The following EYS variants were observed in gnomAD, a reference collection of about 807,000 sequenced individuals.
EYS encodes protein eyes shut homolog.
Under a neutral mutation model 282.1 loss-of-function variants are expected in EYS, and 250 were observed. The observed-to-expected ratio is 0.89, with a 90% CI of 0.80 to 0.98. The LOEUF (loss-of-function observed/expected upper bound fraction) is 0.98, where lower values mean the gene tolerates loss of function less well. EYS is among the 50% of genes least tolerant of loss of function. The probability of loss-of-function intolerance (pLI) is 0.00; values close to 1 mark genes in which losing one functional copy is unlikely to be tolerated. For synonymous variants in EYS, 1,355 were observed against 1,282.9 expected (o/e 1.06, Z -1.20); for missense variants, 4,016 against 3,709.0 (o/e 1.08, Z -2.15).
intron 2 of EYS, among the ~76,000 whole-genome samples, chr6:65,618,794 A>C (rs1272878413): frequency 6.6e-6 from 1 of 152,144 alleles, no homozygotes; most frequent in Non-Finnish European, 1.5e-5. Flanking sequence ...TCCCAGCACC[A>C]TTTATTAAAT....
chr6:65,560,078 T>A (rs987575572), intron 2 of EYS, among the ~76,000 whole-genome samples: 2 of 149,790 alleles, frequency 1.3e-5, no homozygotes, highest in Non-Finnish European at 3.0e-5. Context: ...CTATATTATA[T>A]CTATTACTCA....
At chr6:65,044,562 C>T (rs1203541215) in intron 13 of EYS, among the ~76,000 whole-genome samples, 2 of 151,752 alleles carry the variant, frequency 1.3e-5, no homozygotes, top group Non-Finnish European at 2.9e-5. Flanking sequence ...TTCTTGACAT[C>T]GTGCTGATAT....
chr6:64,996,038 A>G (rs1771250911), intron 14 of EYS, among the ~76,000 whole-genome samples: 1 of 152,074 alleles, frequency 6.6e-6, no homozygotes, highest in Admixed American at 6.6e-5. Flanking sequence ...CAAAATCACA[A>G]CCTAAAATAA....
At chr6:64,318,032 G>A (rs899877977) in intron 29 of EYS, among the ~76,000 whole-genome samples, 4 of 152,056 alleles carry the variant, frequency 2.6e-5, no homozygotes, top group African/African-American at 9.7e-5. Context: ...TTGTCAGGGG[G>A]TGGGGGCCTC....
rs981863652 is a variant in EYS, at chr6:64,170,452, C to A, written c.6424+60140G>T. Among the ~76,000 whole-genome samples the A allele has an allele frequency of 3.3e-5, 5 of 152,090 alleles. No homozygotes were observed. The East Asian group carries it at 9.7e-4, about 29-fold the overall frequency. Reference sequence around the variant, plus strand: ...ATCAAGGCATCAGCAAGGCCATACCCCTTCTGAAGGCTCTAGGGAAGAATT... The same window carrying A: ...ATCAAGGCATCAGCAAGGCCATACCACTTCTGAAGGCTCTAGGGAAGAATT... On this transcript the variant is annotated intron_variant, in intron 31 of 42. Coordinates refer to ENST00000503581, the MANE Select transcript of EYS (RefSeq NM_001142800.2).
chr6:65,617,481 A>G (rs1354453881), intron 2 of EYS, among the ~76,000 whole-genome samples: 1 of 152,110 alleles, frequency 6.6e-6, no homozygotes, highest in Non-Finnish European at 1.5e-5. Context: ...TAAATGTTTA[A>G]TGAGACCTGA....
intron 26 of EYS, among the ~76,000 whole-genome samples, chr6:64,533,237 A>G (rs1317074167): frequency 3.3e-5 from 5 of 152,184 alleles, no homozygotes; most frequent in Non-Finnish European, 5.9e-5. Context: ...AGCTTCTCAC[A>G]CATAATTAGA....
At position 64,263,734 on chromosome 6, in the gene EYS, T is replaced by C. The variant is rs189847041; in HGVS notation, c.6192-32910A>G. Reference sequence around the variant, plus strand: ...ATTGGCTGAAACCCATATGGATGTATAGGTTTGTAAAACAGACCCTTATTA... The same window carrying C: ...ATTGGCTGAAACCCATATGGATGTACAGGTTTGTAAAACAGACCCTTATTA... On this transcript the variant is annotated intron_variant, in intron 30 of 42. Coordinates refer to ENST00000503581, the MANE Select transcript of EYS (RefSeq NM_001142800.2). 9.2e-4 allele frequency among the ~76,000 whole-genome samples: 140 copies of C among 152,216 alleles called. 1 individual carries two copies. The highest frequency in any genetic ancestry group is 3.2e-3 in the African/African-American group (134 of 41,570).
chr6:65,512,222 G>T (rs531925733), intron 2 of EYS, among the ~76,000 whole-genome samples: 1 of 152,144 alleles, frequency 6.6e-6, no homozygotes, highest in South Asian at 2.1e-4. Flanking sequence ...GCCGGGCACG[G>T]TGGCTCATGC....
rs552891992 is a variant in EYS, at chr6:65,350,491, A to G, written c.1459+2967T>C. 1.7e-3 allele frequency among the ~76,000 whole-genome samples: 264 copies of G among 151,802 alleles called. 1 individual carries two copies. Among genetic ancestry groups the G allele is most frequent in the Non-Finnish European group, 3.1e-3 (211 of 67,684 alleles). On this transcript the variant is annotated intron_variant, in intron 9 of 42. Transcript: ENST00000503581. ...TATTTATTTAAAAAAAAAGTTCACT[A>G]GTACATGTTAAGTGTTTTAACTCTA...
chr6:64,339,934 A>G (rs1236807909), intron 29 of EYS, among the ~76,000 whole-genome samples: 1 of 151,712 alleles, frequency 6.6e-6, no homozygotes, highest in Non-Finnish European at 1.5e-5. Context: ...ACACGACTAC[A>G]AGTTGGATTC....
intron 5 of EYS, among the ~76,000 whole-genome samples, chr6:65,429,017 C>T (rs1362524306): frequency 6.6e-6 from 1 of 151,750 alleles, no homozygotes; most frequent in African/African-American, 2.4e-5. Context: ...ACACTCTCTA[C>T]TAAAAATACA....
At chr6:64,918,733 G>A (rs1023994478) in intron 15 of EYS, among the ~76,000 whole-genome samples, 1 of 152,202 alleles carries the variant, frequency 6.6e-6, no homozygotes, top group East Asian at 1.9e-4. Flanking sequence ...CTATTGGAAA[G>A]ATAATGATGC....
At chr6:64,617,243 C>G (rs1172285737) in intron 24 of EYS, among the ~76,000 whole-genome samples, 175 bp downstream of exon 24, 1 of 152,120 alleles carries the variant, frequency 6.6e-6, no homozygotes, top group Non-Finnish European at 1.5e-5. Context: ...GCAAGTGATG[C>G]ACGGACAACA....
intron 2 of EYS, among the ~76,000 whole-genome samples, chr6:65,614,052 G>A (rs1766097419): frequency 6.6e-6 from 1 of 151,890 alleles, no homozygotes; most frequent in African/African-American, 2.4e-5. Context: ...TATTCACAAA[G>A]TGCCAGGCAC....
At chr6:64,826,098 C>T (rs1765048518) in intron 19 of EYS, among the ~76,000 whole-genome samples, 1 of 151,688 alleles carries the variant, frequency 6.6e-6, no homozygotes, top group Non-Finnish European at 1.5e-5. Flanking sequence ...CCAGGTATTT[C>T]CTACTGGTCA....
chr6:65,665,405 A>G (rs191362901), intron 1 of EYS, among the ~76,000 whole-genome samples: 70 of 152,158 alleles, frequency 4.6e-4, no homozygotes, highest in African/African-American at 1.7e-3. Flanking sequence ...AATAGCAGTG[A>G]CCCCTCAAGA....
intron 28 of EYS, among the ~76,000 whole-genome samples, chr6:64,429,628 C>T (rs1157415215): frequency 1.3e-5 from 2 of 152,146 alleles, no homozygotes; most frequent in Non-Finnish European, 1.5e-5. Context: ...AGGATTCTTT[C>T]TTGAGACCCT....
intron 7 of EYS, among the ~76,000 whole-genome samples, chr6:65,386,370 T>C (rs1269948098): frequency 6.6e-6 from 1 of 151,508 alleles, no homozygotes; most frequent in Non-Finnish European, 1.5e-5. Flanking sequence ...AGTTTACCTA[T>C]GTAAGAAACA....
Sources: gnomAD v4.1 joint callset for allele counts (sites outside exome capture counted in the v4.1 genomes callset) on GRCh38, gnomAD v4.1.1 for gene constraint, MANE v1.5 for transcripts, NCBI Gene and HGNC (gene_info 2026-07-23, HGNC 2026-07-21) for gene names.